Variants in PDE3A observed in about 807,000 individuals in gnomAD.
PDE3A encodes cGMP-inhibited 3',5'-cyclic phosphodiesterase 3A.
In PDE3A, 43 loss-of-function variants were observed where a neutral mutation model predicts 98.3. The ratio of observed to expected loss-of-function variants is 0.44; its 90% CI spans 0.34 to 0.56. The LOEUF (loss-of-function observed/expected upper bound fraction) is 0.56. Among genes scored for constraint, PDE3A ranks in the 20% least tolerant of loss-of-function variants. The pLI, the probability that PDE3A is intolerant of heterozygous loss-of-function variation, is 0.01. For synonymous variants in PDE3A, 663 were observed against 567.9 expected (o/e 1.17, Z -2.38); for missense variants, 1,427 against 1,440.7 (o/e 0.99, Z 0.15).
chr12:20,389,855 T>C (rs1386512540), intron 1 of PDE3A, among the ~76,000 whole-genome samples: 3 of 152,032 alleles, frequency 2.0e-5, no homozygotes, highest in Non-Finnish European at 4.4e-5. Flanking sequence ...TTCCTTTTGA[T>C]TTATGTTTTA....
At chr12:20,538,746 G>C (rs902198945) in intron 1 of PDE3A, among the ~76,000 whole-genome samples, 1 of 152,088 alleles carries the variant, frequency 6.6e-6, no homozygotes, top group Non-Finnish European at 1.5e-5. Flanking sequence ...CTGGGTTCAA[G>C]CAATCCTCCT....
chr12:20,482,614 T>A (rs1427887905), intron 1 of PDE3A, among the ~76,000 whole-genome samples: 1 of 152,238 alleles, frequency 6.6e-6, no homozygotes, highest in Non-Finnish European at 1.5e-5. Context: ...TGTCTGACTG[T>A]TTTAGAGATA....
chr12:20,510,770 T>C (rs1267248619), intron 1 of PDE3A, among the ~76,000 whole-genome samples: 1 of 152,024 alleles, frequency 6.6e-6, no homozygotes, highest in Non-Finnish European at 1.5e-5. Flanking sequence ...TTGAGGAAGA[T>C]TCCATAATAT....
intron 2 of PDE3A, among the ~76,000 whole-genome samples, chr12:20,571,533 C>T (rs1699637629): frequency 6.6e-6 from 1 of 152,040 alleles, no homozygotes; most frequent in South Asian, 2.1e-4. Flanking sequence ...AACTTGAATC[C>T]TACATTCTGA....
chr12:20,654,337 G>T, intron 15 of PDE3A, 132 bp downstream of exon 15: 1 of 740,244 alleles, frequency 1.4e-6, no homozygotes. Context: ...ACTACGGATA[G>T]CTCCCTTCCC....
intron 1 of PDE3A, among the ~76,000 whole-genome samples, chr12:20,399,007 C>A (rs1944072212): frequency 6.6e-6 from 1 of 152,126 alleles, no homozygotes; most frequent in Non-Finnish European, 1.5e-5. Context: ...CTGGTAACTA[C>A]CATTCCACTT....
At chr12:20,498,018 G>A (rs1048041288) in intron 1 of PDE3A, among the ~76,000 whole-genome samples, 38 of 152,126 alleles carry the variant, frequency 2.5e-4, no homozygotes, top group East Asian at 3.9e-4. Context: ...ATGCAGAAAC[G>A]TGTTATAGCA....
In PDE3A at chr12:20,620,316, C is replaced by T. The variant is rs565596038; in HGVS notation, c.1425-980C>T. Among the ~76,000 whole-genome samples, 18 of 152,092 alleles carry T rather than the reference C, an allele frequency of 1.2e-4. 1 individual carries two copies. In the South Asian group the frequency reaches 2.9e-3, roughly 25 times the overall value. On this transcript the variant is annotated intron_variant, in intron 4 of 15. Coordinates refer to ENST00000359062, the MANE Select transcript of PDE3A (RefSeq NM_000921.5). ...AGATCAAATTGTCAAATCATATTTACGTAAATTATAGATTGTACCCAGTAC... is the reference window on the plus strand; with the variant it reads ...AGATCAAATTGTCAAATCATATTTATGTAAATTATAGATTGTACCCAGTAC...
intron 1 of PDE3A, among the ~76,000 whole-genome samples, chr12:20,416,446 G>A (rs1211231216): frequency 6.6e-6 from 1 of 152,074 alleles, no homozygotes; most frequent in African/African-American, 2.4e-5. Context: ...GTCACTAAAT[G>A]GTCACAATTT....
intron 1 of PDE3A, among the ~76,000 whole-genome samples, chr12:20,554,369 A>AT (rs1252283130): frequency 3.6e-4 from 2 of 5,488 alleles, no homozygotes; most frequent in African/African-American, 3.9e-4. Flanking sequence ...TAAAAAAAAA[A>AT]AAATAAAAAA....
At position 20,449,498 on chromosome 12, in the gene PDE3A, A is replaced by G. The variant is rs187641497; in HGVS notation, c.960+79254A>G. On this transcript the variant is annotated intron_variant, in intron 1 of 15. Coordinates refer to ENST00000359062, the MANE Select transcript of PDE3A (RefSeq NM_000921.5). ...GTTGCCTAGACGACTTTTGATTAAG[A>G]AAACTGTAGAAAGTTGGTAACTGCC... is the stretch of plus-strand genomic sequence containing the variant. 2.2e-4 allele frequency among the ~76,000 whole-genome samples: 34 copies of G among 152,276 alleles called. 1 individual carries two copies. The East Asian group carries it at 6.2e-3, about 28-fold the overall frequency.
At chr12:20,380,572 C>T (rs1234981175) in intron 1 of PDE3A, among the ~76,000 whole-genome samples, 1 of 151,782 alleles carries the variant, frequency 6.6e-6, no homozygotes, top group Non-Finnish European at 1.5e-5. Context: ...AAATCAGAGA[C>T]ATATCTTTTG....
In PDE3A at chr12:20,406,883, A is replaced by G. The variant is rs559941063; in HGVS notation, c.960+36639A>G. Among the ~76,000 whole-genome samples the G allele has an allele frequency of 7.4e-4, 112 of 152,320 alleles. 2 individuals carry two copies. The highest frequency in any genetic ancestry group is 2.6e-3 in the African/African-American group (108 of 41,578). ...TTTGAGCTAATTTTGTGTATGGTTAAGATAACAGTCAATATTATTTTTGTG... is the reference window on the plus strand; with the variant it reads ...TTTGAGCTAATTTTGTGTATGGTTAGGATAACAGTCAATATTATTTTTGTG... On this transcript the variant is annotated intron_variant, in intron 1 of 15. Coordinates refer to ENST00000359062, the MANE Select transcript of PDE3A (RefSeq NM_000921.5).
At chr12:20,458,601 A>G (rs185001581) in intron 1 of PDE3A, among the ~76,000 whole-genome samples, 1 of 152,276 alleles carries the variant, frequency 6.6e-6, no homozygotes, top group Non-Finnish European at 1.5e-5. Context: ...CTATAAGCAG[A>G]AAAAACTGGC....
At position 20,683,265 on chromosome 12, in the gene PDE3A, A is replaced by G. The variant is rs909177118; in HGVS notation, c.*2994A>G. 2.0e-5 allele frequency: 3 copies of G among 152,138 alleles called. No individual in the cohort carries two copies. 9.4% of individuals were successfully genotyped at this position (152,138 alleles called of 1,614,324 possible). Reference sequence around the variant, plus strand: ...CCTTTTTGGTGACAGCAATATTATTATGTTCACATCTAACTCCAGAGCTTA... The same window carrying G: ...CCTTTTTGGTGACAGCAATATTATTGTGTTCACATCTAACTCCAGAGCTTA... On this transcript the variant is annotated 3_prime_UTR_variant, in exon 16 of 16. Coordinates refer to ENST00000359062, the MANE Select transcript of PDE3A (RefSeq NM_000921.5).
intron 2 of PDE3A, among the ~76,000 whole-genome samples, chr12:20,595,711 C>T (rs1047364802): frequency 2.0e-5 from 3 of 152,072 alleles, no homozygotes; most frequent in African/African-American, 7.2e-5. Context: ...TTTAGTTAGA[C>T]CTTATTCTGT....
chr12:20,370,034 C>T lies in PDE3A; in HGVS notation c.750C>T (p.Leu250=), dbSNP rs755068424. 1.2e-6 allele frequency: 2 copies of T among 1,613,116 alleles called. No individual in the cohort carries two copies. The highest frequency in any genetic ancestry group is 1.7e-6 in the Non-Finnish European group (2 of 1,179,918). ...ACCTGGCCGGCGTGCTGGGGATCCT[C>T]TTGGCCAGGTACGTGGAACAAATCT... The part of the protein sequence containing the change: ...LAYLAGVLGI[L]LARYVEQILP... Residue 250 remains leucine, a synonymous_variant, in exon 1 of 16, where the codon CTC becomes CTT. Transcript: ENST00000359062.
chr12:20,386,009 TATATATAAA>T (rs1565532326), intron 1 of PDE3A, among the ~76,000 whole-genome samples: 2 of 103,802 alleles, frequency 1.9e-5, no homozygotes, highest in Non-Finnish European at 3.6e-5. Flanking sequence ...TATATATAAA[TATATATAAA>T]ATATATATAT....
intron 2 of PDE3A, among the ~76,000 whole-genome samples, chr12:20,585,572 A>C (rs1359951163): frequency 6.6e-6 from 1 of 152,164 alleles, no homozygotes; most frequent in African/African-American, 2.4e-5. Flanking sequence ...AAGTAACAAA[A>C]CTTCTGTGAG....
Sources: allele counts gnomAD v4.1 joint callset (sites outside exome capture counted in the v4.1 genomes callset), GRCh38; gene constraint gnomAD v4.1.1; transcripts MANE v1.5; gene names NCBI Gene and HGNC (gene_info 2026-07-23, HGNC 2026-07-21).